The following TTC39C variants were observed in gnomAD, a reference collection of about 807,000 sequenced individuals.
The protein encoded by TTC39C is tetratricopeptide repeat domain 39C.
TTC39C carries 33 observed loss-of-function variants against 76.3 expected under a neutral mutation model. The observed-to-expected ratio is 0.43, with a 90% CI of 0.33 to 0.58. The LOEUF is 0.58. TTC39C is among the 20% of genes least tolerant of loss of function. The pLI, the probability that TTC39C is intolerant of heterozygous loss-of-function variation, is 0.04. For missense variants in TTC39C, 595 were observed against 701.4 expected (o/e 0.85, Z 1.71); for synonymous variants, 254 against 260.6 (o/e 0.97, Z 0.24).
At chr18:24,004,878 A>T (rs2083340688) in intron 1 of TTC39C, among the ~76,000 whole-genome samples, 1 of 152,190 alleles carries the variant, frequency 6.6e-6, no homozygotes, top group African/African-American at 2.4e-5. Flanking sequence ...CTTTCTCATA[A>T]GGGGCTCTGA....
At chr18:24,108,607 G>A (rs956943223) in intron 6 of TTC39C, among the ~76,000 whole-genome samples, 2 of 152,196 alleles carry the variant, frequency 1.3e-5, no homozygotes, top group African/African-American at 2.4e-5. Context: ...ATATTTATAT[G>A]TTGAGATCTT....
At chr18:24,069,479 C>G (rs1352008202) in intron 4 of TTC39C, among the ~76,000 whole-genome samples, 1 of 152,158 alleles carries the variant, frequency 6.6e-6, no homozygotes, top group Non-Finnish European at 1.5e-5. Flanking sequence ...TCTGTTTCAT[C>G]CTCTTGTCTC....
In TTC39C at chr18:24,133,606, C is replaced by T. The variant is rs1296901585; in HGVS notation, c.*1032C>T. ...TGCTGGTGGAACATTTGCTGGGCTA[C>T]ACAGTGCCAGGATTTAATCATTTTC... is the stretch of plus-strand genomic sequence containing the variant. On this transcript the variant is annotated 3_prime_UTR_variant, in exon 14 of 14. Coordinates refer to ENST00000317571, the MANE Select transcript of TTC39C (RefSeq NM_001135993.2). The T allele has an allele frequency of 6.6e-6, 1 of 152,210 alleles. No individual in the cohort carries two copies. The highest frequency in any genetic ancestry group is 1.5e-5 in the Non-Finnish European group (1 of 68,028). 9.4% of individuals were successfully genotyped at this position (152,210 alleles called of 1,614,324 possible). A position where few individuals can be genotyped will look rare whatever the true frequency, so the allele number is the denominator to read the frequency against.
At chr18:24,056,327 C>A (rs1405024215) in intron 1 of TTC39C, among the ~76,000 whole-genome samples, 5 of 152,160 alleles carry the variant, frequency 3.3e-5, no homozygotes, top group South Asian at 4.2e-4. Context: ...GGAGTCGAAA[C>A]CCCCCACACA....
chr18:23,997,674 GAAAGAAAGAAAGAAAGAAAGAAAGAAA>G (rs1392645224), intron 1 of TTC39C, among the ~76,000 whole-genome samples: 1 of 146,090 alleles, frequency 6.8e-6, no homozygotes, highest in East Asian at 2.0e-4. Context: ...AAGAAAGAAA[GAAAGAAAGAAAGAAAGAAAGAAAGAAA>G]GAAAGAAAGA....
chr18:24,130,807 G>A (rs1046366497), intron 12 of TTC39C, among the ~76,000 whole-genome samples: 1 of 151,774 alleles, frequency 6.6e-6, no homozygotes, highest in Non-Finnish European at 1.5e-5. Context: ...TTACTGTATT[G>A]AATACTGTAG....
At chr18:24,112,449 G>A (rs534081175) in intron 6 of TTC39C, among the ~76,000 whole-genome samples, 18 of 152,258 alleles carry the variant, frequency 1.2e-4, no homozygotes, top group African/African-American at 4.3e-4. Context: ...TTCTTCATCC[G>A]CAAATGGAAT....
intron 11 of TTC39C, 41 bp downstream of exon 11, chr18:24,129,024 C>T (rs745741203): frequency 2.5e-5 from 37 of 1,489,986 alleles, no homozygotes; most frequent in Non-Finnish European, 3.2e-5. Flanking sequence ...AAATAAGTCA[C>T]GAACACCTAC....
chr18:24,125,568 A>T lies in TTC39C; in HGVS notation c.1420+18A>T. 6.2e-7 allele frequency: 1 copy of T among 1,613,896 alleles called. No individual in the cohort carries two copies. Among genetic ancestry groups the T allele is most frequent in the Non-Finnish European group, 8.5e-7 (1 of 1,179,914 alleles). The stretch of plus-strand genomic sequence containing the variant: ...GAGTCAAGGTAAAAAATTTAAAAAA[A>T]CCCAAAACTGTCTACTGGACACACT... On this transcript the variant is annotated intron_variant, in intron 10 of 13. Coordinates refer to ENST00000317571, the MANE Select transcript of TTC39C (RefSeq NM_001135993.2).
chr18:24,101,427 G>A (rs1342596952), intron 6 of TTC39C, among the ~76,000 whole-genome samples: 1 of 152,036 alleles, frequency 6.6e-6, no homozygotes, highest in Admixed American at 6.5e-5. Context: ...GCCAACACAG[G>A]GAAACCCCGT....
chr18:24,113,487 A>C, intron 6 of TTC39C: 1 of 666,238 alleles, frequency 1.5e-6, no homozygotes, highest in East Asian at 2.7e-5. Flanking sequence ...TTGGAGGGGG[A>C]GGAAGCATAG....
intron 1 of TTC39C, among the ~76,000 whole-genome samples, chr18:23,993,452 T>G (rs538083606): frequency 9.8e-5 from 15 of 152,362 alleles, no homozygotes; most frequent in African/African-American, 3.1e-4. Context: ...TATGACTAAT[T>G]ATTATGAAGT....
chr18:24,087,064 A>C (rs1425699590), intron 6 of TTC39C, among the ~76,000 whole-genome samples: 1 of 152,152 alleles, frequency 6.6e-6, no homozygotes, highest in African/African-American at 2.4e-5. Flanking sequence ...CTGAATTTCC[A>C]CAATGCAAAC....
At chr18:24,113,102 A>G (rs2084837072) in intron 6 of TTC39C, among the ~76,000 whole-genome samples, 1 of 152,162 alleles carries the variant, frequency 6.6e-6, no homozygotes, top group Non-Finnish European at 1.5e-5. Context: ...GGAATCAGGG[A>G]TGCGATTGGT....
intron 1 of TTC39C, among the ~76,000 whole-genome samples, chr18:24,035,716 C>T (rs1157755051): frequency 6.6e-6 from 1 of 152,144 alleles, no homozygotes; most frequent in African/African-American, 2.4e-5. Flanking sequence ...CATTTCCCCC[C>T]CCATTCCATG....
In TTC39C at chr18:24,049,006, A is replaced by C. The variant is rs542513305; in HGVS notation, c.168-15134A>C. Among the ~76,000 whole-genome samples, 4 of 152,320 alleles carry C rather than the reference A, an allele frequency of 2.6e-5. No individual in the cohort carries two copies. The East Asian group carries it at 5.8e-4, about 22-fold the overall frequency. ...AGACGCGTTGGCCAACTCAAGAGAA[A>C]ATTTTATAATTATGATAGGACTCCT... On this transcript the variant is annotated intron_variant, in intron 1 of 13. Coordinates refer to ENST00000317571, the MANE Select transcript of TTC39C (RefSeq NM_001135993.2).
chr18:24,014,976 C>A lies in TTC39C; in HGVS notation c.105C>A (p.Ala35=), dbSNP rs1373370079. 6.5e-7 allele frequency: 1 copy of A among 1,530,086 alleles called. No individual in the cohort carries two copies. The highest frequency in any genetic ancestry group is 1.4e-5 in the African/African-American group (1 of 70,336). The allele number at this position is 1,530,086 out of a possible 1,614,324, so 94.8% of individuals were successfully genotyped here. A position where few individuals can be genotyped will look rare whatever the true frequency, so the allele number is the denominator to read the frequency against. The change falls in exon 1 of 14, where the codon GCC becomes GCA. Residue 35 remains alanine, a synonymous_variant. Coordinates refer to ENST00000317571, the MANE Select transcript of TTC39C (RefSeq NM_001135993.2). Reference sequence around the variant, plus strand: ...TGCAGGACGCGGAGCTGGCCCTGGCCGGCATCAACATGCTGCTCAACAACG... The same window carrying A: ...TGCAGGACGCGGAGCTGGCCCTGGCAGGCATCAACATGCTGCTCAACAACG... ...APLQDAELAL[A]GINMLLNNGF... is the part of the protein sequence containing the mutation.
chr18:24,002,038 C>A (rs2083317735), intron 1 of TTC39C, among the ~76,000 whole-genome samples: 1 of 152,046 alleles, frequency 6.6e-6, no homozygotes, highest in Non-Finnish European at 1.5e-5. Context: ...TCTGTTTTGT[C>A]GTTGCTTACT....
intron 6 of TTC39C, among the ~76,000 whole-genome samples, chr18:24,108,536 TTAG>T (rs2084774432): frequency 6.6e-6 from 1 of 152,224 alleles, no homozygotes; most frequent in African/African-American, 2.4e-5. Flanking sequence ...ATAAGGAATA[TTAG>T]TAGACCCCAG....
Sources: gnomAD v4.1 joint callset for allele counts (sites outside exome capture counted in the v4.1 genomes callset) on GRCh38, gnomAD v4.1.1 for gene constraint, MANE v1.5 for transcripts, NCBI Gene and HGNC (gene_info 2026-07-23, HGNC 2026-07-21) for gene names.